Variants in DMD observed in about 807,000 individuals in gnomAD.
The protein encoded by DMD is dystrophin.
Under a neutral mutation model 330.1 loss-of-function variants are expected in DMD, and 63 were observed. That is an observed-to-expected ratio of 0.19 (90% CI 0.16 to 0.24). The LOEUF (loss-of-function observed/expected upper bound fraction) is 0.24. DMD is among the 10% of genes least tolerant of loss of function. The pLI is 1.00. For missense variants in DMD, 3,344 were observed against 2,684.1 expected (o/e 1.25, Z -5.43); for synonymous variants, 1,223 against 959.8 (o/e 1.27, Z -5.07).
chrX:32,624,911 C>T (rs1305981565), intron 11 of DMD, among the ~76,000 whole-genome samples: 1 of 111,897 alleles, frequency 8.9e-6, no homozygotes, highest in African/African-American at 3.3e-5. Context: ...CGATGGCTCA[C>T]GCCTGTAATC....
At chrX:33,211,238 C>T (rs1254320218) in intron 1 of DMD, 44 bp downstream of exon 1, 3 of 1,190,003 alleles carry the variant, frequency 2.5e-6, no homozygotes, top group Non-Finnish European at 2.3e-6. Flanking sequence ...ACAAACTAAA[C>T]GTTATGCCAC....
At chrX:33,070,697 A>C (rs1192736446) in intron 1 of DMD, among the ~76,000 whole-genome samples, 5 of 91,819 alleles carry the variant, frequency 5.4e-5, no homozygotes, top group South Asian at 5.5e-4. Context: ...ATATATATAT[A>C]TATATATATA....
chrX:32,345,874 C>T (rs1434538252), intron 39 of DMD, 69 bp downstream of exon 39: 3 of 1,115,204 alleles, frequency 2.7e-6, no homozygotes, highest in East Asian at 3.1e-5. Flanking sequence ...TATTAATGCA[C>T]ATTATATTTT....
At chrX:33,108,300 C>T (rs921246599) in intron 1 of DMD, among the ~76,000 whole-genome samples, 4 of 110,464 alleles carry the variant, frequency 3.6e-5, no homozygotes, top group African/African-American at 1.3e-4. Flanking sequence ...CCCTCTGTCA[C>T]CTGTCACCTA....
chrX:32,913,285 T>A (rs73219746), intron 2 of DMD, among the ~76,000 whole-genome samples: 15,222 of 111,803 alleles, frequency 0.14, 846 homozygotes, highest in Admixed American at 0.21. Context: ...ATAGTTAATA[T>A]GTGTCTACAT....
chrX:32,504,451 C>G (rs1232076672), intron 18 of DMD, among the ~76,000 whole-genome samples: 4 of 110,115 alleles, frequency 3.6e-5, no homozygotes, highest in Non-Finnish European at 7.6e-5. Flanking sequence ...TGGTGAAACC[C>G]TGTCTCTACT....
chrX:32,860,300 A>G (rs2081977176), intron 2 of DMD, among the ~76,000 whole-genome samples: 1 of 112,218 alleles, frequency 8.9e-6, no homozygotes, highest in Non-Finnish European at 1.9e-5. Flanking sequence ...TGAAAATCCA[A>G]AGGGATCAAT....
chrX:32,945,108 A>T (rs2090710957), intron 2 of DMD, among the ~76,000 whole-genome samples: 1 of 111,031 alleles, frequency 9.0e-6, no homozygotes, highest in Non-Finnish European at 1.9e-5. Context: ...GTAGTAAATT[A>T]TATGTCTAAA....
At chrX:31,495,613 G>T (rs1466648205) in intron 57 of DMD, among the ~76,000 whole-genome samples, 1 of 111,891 alleles carries the variant, frequency 8.9e-6, no homozygotes, top group African/African-American at 3.2e-5. Flanking sequence ...ATAAAAATTG[G>T]TAAAATTGAA....
At chrX:33,066,941 A>T (rs911210739) in intron 1 of DMD, among the ~76,000 whole-genome samples, 1 of 112,124 alleles carries the variant, frequency 8.9e-6, no homozygotes, top group African/African-American at 3.2e-5. Context: ...GTCACGGAGT[A>T]AATTATTTTC....
intron 55 of DMD, among the ~76,000 whole-genome samples, chrX:31,565,553 G>A (rs148515132): frequency 2.2e-3 from 241 of 111,917 alleles, no homozygotes; most frequent in African/African-American, 7.6e-3. Flanking sequence ...ATTGTTGACC[G>A]TCTGGGTTCT....
At chrX:32,461,607 T>G (rs1361302379) in intron 25 of DMD, among the ~76,000 whole-genome samples, 1 of 110,668 alleles carries the variant, frequency 9.0e-6, no homozygotes, top group Non-Finnish European at 1.9e-5. Flanking sequence ...TGTACTCCTG[T>G]AAAATGTAAA....
chrX:32,628,715 G>A (rs368702495), intron 11 of DMD, among the ~76,000 whole-genome samples: 5 of 110,285 alleles, frequency 4.5e-5, no homozygotes, highest in African/African-American at 3.3e-5. Flanking sequence ...GTTACATTGC[G>A]TTTCCTTTTT....
chrX:32,328,741 T>G (rs190154147), intron 41 of DMD, among the ~76,000 whole-genome samples: 1,700 of 110,454 alleles, frequency 0.015, 8 homozygotes, highest in Non-Finnish European at 0.025. Flanking sequence ...CTTTACTTTT[T>G]CTAGTAAAGG....
chrX:33,085,722 T>C (rs1386430033), intron 1 of DMD, among the ~76,000 whole-genome samples: 1 of 111,787 alleles, frequency 8.9e-6, no homozygotes, highest in Non-Finnish European at 1.9e-5. Flanking sequence ...ACCAATAGGC[T>C]GTCAGATGCT....
At chrX:32,710,064 G>T (rs1404937039) in intron 7 of DMD, among the ~76,000 whole-genome samples, 1 of 111,592 alleles carries the variant, frequency 9.0e-6, no homozygotes, top group African/African-American at 3.3e-5. Context: ...AACAGGAGCA[G>T]CCTGTATTTT....
At position 32,971,860 on chromosome X, in the gene DMD, T is replaced by C. The variant is rs768697391; in HGVS notation, c.93+48279A>G. ...AAGTGGTGGCCAAGAATATTAAATC[T>C]ACCTAAAATTCACAGAGGTTTGAGA... On this transcript the variant is annotated intron_variant, in intron 2 of 78. Transcript: ENST00000357033. Among the ~76,000 whole-genome samples the C allele has an allele frequency of 5.4e-5, 6 of 111,333 alleles. No homozygotes were observed. In the South Asian group the frequency reaches 2.3e-3, roughly 42 times the overall value.
At chrX:32,751,750 G>C (rs961929755) in intron 7 of DMD, among the ~76,000 whole-genome samples, 1 of 112,051 alleles carries the variant, frequency 8.9e-6, no homozygotes, top group Admixed American at 9.4e-5. Flanking sequence ...CTGGAGTTTA[G>C]GAGGAAAAAA....
intron 44 of DMD, among the ~76,000 whole-genome samples, chrX:32,180,428 G>T (rs1211259516): frequency 9.0e-6 from 1 of 111,420 alleles, no homozygotes; most frequent in Non-Finnish European, 1.9e-5. Flanking sequence ...TTAACACACT[G>T]TTAGGAAAAT....
Sources: gnomAD v4.1 joint callset for allele counts (sites outside exome capture counted in the v4.1 genomes callset) on GRCh38, gnomAD v4.1.1 for gene constraint, MANE v1.5 for transcripts, NCBI Gene and HGNC (gene_info 2026-07-23, HGNC 2026-07-21) for gene names.